The following PPP2R1A variants were observed in gnomAD, a reference collection of about 807,000 sequenced individuals.
The protein encoded by PPP2R1A is serine/threonine-protein phosphatase 2A 65 kDa regulatory subunit A alpha isoform.
A neutral mutation model predicts 67.1 loss-of-function variants in PPP2R1A; 15 were observed. The ratio of observed to expected loss-of-function variants is 0.22; its 90% CI spans 0.15 to 0.34. PPP2R1A has a LOEUF of 0.34. PPP2R1A is among the 10% of genes least tolerant of loss of function. The probability of loss-of-function intolerance (pLI) is 1.00; values close to 1 mark genes in which losing one functional copy is unlikely to be tolerated. For missense variants in PPP2R1A, 369 were observed against 775.0 expected (o/e 0.48, Z 6.22); for synonymous variants, 337 against 325.0 (o/e 1.04, Z -0.40).
chr19:52,190,054 CACAGCGCTG>C lies in PPP2R1A; in HGVS notation c.-42_-34del, dbSNP rs2089437370. 2.1e-5 allele frequency: 32 copies of C among 1,493,288 alleles called. No individual in the cohort carries two copies. The highest frequency in any genetic ancestry group is 2.9e-5 in the Non-Finnish European group (32 of 1,102,768). 92.5% of individuals were successfully genotyped at this position (1,493,288 alleles called of 1,614,324 possible). The stretch of plus-strand genomic sequence containing the variant: ...CAGCATTGCCCCCCCCACGTTTCAG[CACAGCGCTG>C]GCCGCAGTCTGACAGGAAAGGGACG... On this transcript the variant is annotated 5_prime_UTR_variant, in exon 1 of 15. Transcript: ENST00000322088.
At chr19:52,205,693 G>A (rs372581586) in intron 2 of PPP2R1A, among the ~76,000 whole-genome samples, 17 of 152,294 alleles carry the variant, frequency 1.1e-4, no homozygotes, top group African/African-American at 3.8e-4. Context: ...TTTTACAGAC[G>A]CAGAAGCTGG....
chr19:52,218,076 G>A (rs1450526577), intron 9 of PPP2R1A, among the ~76,000 whole-genome samples: 13 of 152,174 alleles, frequency 8.5e-5, no homozygotes, highest in Non-Finnish European at 1.5e-4. Flanking sequence ...ATTCAAGATT[G>A]TTCAGGAGGC....
chr19:52,213,532 G>T lies in PPP2R1A; in HGVS notation c.807+422G>T, dbSNP rs1377215199. On this transcript the variant is annotated intron_variant, in intron 6 of 14. Transcript: ENST00000322088. The surrounding 1 kb of genome is among the most constrained non-coding windows in gnomAD (Gnocchi z 4.2). ...AGGCTAGAGTCTTGTTACCCAGCTG[G>T]AGTGTGGTGGCGCAATCTTGGCTCA... 6.9e-6 allele frequency among the ~76,000 whole-genome samples: 1 copy of T among 144,296 alleles called. No individual in the cohort carries two copies. The highest frequency in any genetic ancestry group is 2.6e-5 in the African/African-American group (1 of 38,294). 94.7% of individuals were successfully genotyped at this position (144,296 alleles called of 152,430 possible). A position where few individuals can be genotyped will look rare whatever the true frequency, so the allele number is the denominator to read the frequency against.
chr19:52,190,650 C>T (rs2089445133), intron 1 of PPP2R1A, among the ~76,000 whole-genome samples: 1 of 152,192 alleles, frequency 6.6e-6, no homozygotes, highest in Non-Finnish European at 1.5e-5. Context: ...AGGCGAAGGC[C>T]TGCCATCCTA....
intron 6 of PPP2R1A, among the ~76,000 whole-genome samples, chr19:52,215,230 G>GTT (rs142863559): frequency 2.0e-5 from 3 of 151,520 alleles, no homozygotes; most frequent in East Asian, 1.9e-4. Context: ...TAATTGTTTT[G>GTT]TTTTTTTTGT....
Position 52,226,165 on chromosome 19 carries a change from C to A in PPP2R1A, c.*184C>A. 2.1e-6 allele frequency: 2 copies of A among 931,566 alleles called. No homozygotes were observed. Among genetic ancestry groups the A allele is most frequent in the Non-Finnish European group, 3.2e-6 (2 of 618,588 alleles). The allele number at this position is 931,566 out of a possible 1,614,324, so 57.7% of individuals were successfully genotyped here. ...GGAAGATGTCTCACTGTCCACCTCC[C>A]AACGGGCTAGGGGAGCACGGGGTTG... is the stretch of plus-strand genomic sequence containing the variant. On this transcript the variant is annotated 3_prime_UTR_variant, in exon 15 of 15. Coordinates refer to ENST00000322088, the MANE Select transcript of PPP2R1A (RefSeq NM_014225.6).
In PPP2R1A at chr19:52,190,095, A is replaced by G. The variant is rs1179299370; in HGVS notation, c.-2A>G. 6.5e-7 allele frequency: 1 copy of G among 1,548,696 alleles called. No homozygotes were observed. Among genetic ancestry groups the G allele is most frequent in the Admixed American group, 2.0e-5 (1 of 50,860 alleles). ...GTCTGACAGGAAAGGGACGGAGCCAAGATGGCGGCGGCCGACGGCGACGAC... is the reference window on the plus strand; with the variant it reads ...GTCTGACAGGAAAGGGACGGAGCCAGGATGGCGGCGGCCGACGGCGACGAC... On this transcript the variant is annotated 5_prime_UTR_variant, in exon 1 of 15. Coordinates refer to ENST00000322088, the MANE Select transcript of PPP2R1A (RefSeq NM_014225.6).
intron 3 of PPP2R1A, among the ~76,000 whole-genome samples, chr19:52,209,774 A>G (rs2089646707): frequency 6.6e-6 from 1 of 152,232 alleles, no homozygotes; most frequent in South Asian, 2.1e-4. Context: ...TATGACTATT[A>G]GCTAATTTCC....
intron 3 of PPP2R1A, among the ~76,000 whole-genome samples, chr19:52,207,086 C>T (rs755274413): frequency 3.9e-5 from 6 of 152,232 alleles, no homozygotes; most frequent in Middle Eastern, 3.4e-3. Context: ...CCATTAAATT[C>T]GGATATCTCA....
Position 52,226,095 on chromosome 19 carries a change from C to A in PPP2R1A, c.*114C>A. ...CTGTCACTCCCTGTGCATGGTCTGA[C>A]CCCAGGCCCCTTCCCCCAGCACGGT... On this transcript the variant is annotated 3_prime_UTR_variant, in exon 15 of 15. Transcript: ENST00000322088. 1 of 1,497,502 alleles carries A rather than the reference C, an allele frequency of 6.7e-7. No individual in the cohort carries two copies. The highest frequency in any genetic ancestry group is 9.3e-7 in the Non-Finnish European group (1 of 1,080,192). The allele number at this position is 1,497,502 out of a possible 1,614,324, so 92.8% of individuals were successfully genotyped here. A position where few individuals can be genotyped will look rare whatever the true frequency, so the allele number is the denominator to read the frequency against.
rs527712349 is a variant in PPP2R1A, at chr19:52,208,089, G to A, written c.270+2026G>A. 1.5e-4 allele frequency among the ~76,000 whole-genome samples: 23 copies of A among 152,296 alleles called. No individual in the cohort carries two copies. In the South Asian group the frequency reaches 4.6e-3, roughly 30 times the overall value. On this transcript the variant is annotated intron_variant, in intron 3 of 14. Transcript: ENST00000322088. Reference sequence around the variant, plus strand: ...CCAGAGATGTGTCAGACCCACTCCCGGCCCTTGCTCTCAGCAGTGGTGAAA... The same window carrying A: ...CCAGAGATGTGTCAGACCCACTCCCAGCCCTTGCTCTCAGCAGTGGTGAAA...
intron 3 of PPP2R1A, among the ~76,000 whole-genome samples, chr19:52,208,868 T>C (rs1051019563): frequency 3.9e-5 from 6 of 152,156 alleles, no homozygotes; most frequent in Admixed American, 1.3e-4. Context: ...CCTCTTCTTA[T>C]AAAAGTACAC....
rs1979283362 is a variant in PPP2R1A, at chr19:52,226,640, G to C, written c.*659G>C. On this transcript the variant is annotated 3_prime_UTR_variant, in exon 15 of 15. Transcript: ENST00000322088. ...TCCTGTAGTGCAGTTCAGATTCATA[G>C]ATGTCGGCCGAGTATTTGGGGGGTT... 5.5e-6 allele frequency: 1 copy of C among 180,492 alleles called. No homozygotes were observed. The highest frequency in any genetic ancestry group is 6.3e-5 in the Admixed American group (1 of 15,912). The allele number at this position is 180,492 out of a possible 1,614,324, so 11.2% of individuals were successfully genotyped here.
At chr19:52,215,642 G>A (rs571384645) in intron 6 of PPP2R1A, 137 bp from the exon 7 acceptor site, 6 of 676,022 alleles carry the variant, frequency 8.9e-6, no homozygotes, top group African/African-American at 5.4e-5. Flanking sequence ...CTTGGCACTC[G>A]AATTAGATTT....
At chr19:52,202,150 GAC>G (rs1259425946) in intron 2 of PPP2R1A, 116 bp downstream of exon 2, 19 of 865,214 alleles carry the variant, frequency 2.2e-5, no homozygotes, top group Non-Finnish European at 3.5e-5. Flanking sequence ...CCCTGTGTTA[GAC>G]ACTATGGAGT....
At chr19:52,193,800 C>G (rs1013717545) in intron 1 of PPP2R1A, among the ~76,000 whole-genome samples, 7 of 151,958 alleles carry the variant, frequency 4.6e-5, no homozygotes, top group Non-Finnish European at 1.0e-4. Flanking sequence ...AAACTCCCTG[C>G]CCGCCTCTGC....
At chr19:52,199,377 G>A (rs1435307032) in intron 1 of PPP2R1A, among the ~76,000 whole-genome samples, 1 of 152,000 alleles carries the variant, frequency 6.6e-6, no homozygotes, top group East Asian at 1.9e-4. Flanking sequence ...CACCGTGTTA[G>A]CCAGGATGGT....
At position 52,211,433 on chromosome 19, in the gene PPP2R1A, C is replaced by T. The variant is rs752352459; in HGVS notation, c.444C>T (p.Cys148=). The change falls in exon 4 of 15, where the codon TGC becomes TGT. Residue 148 remains cysteine, a synonymous_variant. Coordinates refer to ENST00000322088, the MANE Select transcript of PPP2R1A (RefSeq NM_014225.6). The surrounding 1 kb of genome is among the most constrained non-coding windows in gnomAD (Gnocchi z 5.3). ...GDWFTSRTSA[C]GLFSVCYPRV... Reference sequence around the variant, plus strand: ...GGTTCACCTCCCGCACCTCGGCCTGCGGCCTCTTCTCCGTCTGCTACCCCC... The same window carrying T: ...GGTTCACCTCCCGCACCTCGGCCTGTGGCCTCTTCTCCGTCTGCTACCCCC... 1.4e-5 allele frequency: 22 copies of T among 1,613,790 alleles called. No homozygotes were observed. The highest frequency in any genetic ancestry group is 1.2e-4 in the African/African-American group (9 of 74,954).
rs2089684759 is a variant in PPP2R1A, at chr19:52,212,863, CCCGT to C, written c.651+33_651+36del. ...GTTTTGCTTCCTGGCCCTCTGCTCT[CCCGT>C]CCTTCTGGTGGTTCCTGCCCATGAA... is the stretch of plus-strand genomic sequence containing the variant. On this transcript the variant is annotated intron_variant, in intron 5 of 14. Transcript: ENST00000322088. The surrounding 1 kb of genome is among the most constrained non-coding windows in gnomAD (Gnocchi z 4.1). The C allele has an allele frequency of 6.3e-7, 1 of 1,578,252 alleles. No homozygotes were observed. Among genetic ancestry groups the C allele is most frequent in the Non-Finnish European group, 8.6e-7 (1 of 1,160,490 alleles).
Sources: gnomAD v4.1 joint callset for allele counts (sites outside exome capture counted in the v4.1 genomes callset) on GRCh38, gnomAD v4.1.1 for gene constraint, Gnocchi (gnomAD v3.1) non-coding constraint, MANE v1.5 for transcripts, NCBI Gene and HGNC (gene_info 2026-07-23, HGNC 2026-07-21) for gene names.